SH3RF1: variants seen among roughly 807,000 people sequenced by gnomAD.
SH3RF1 encodes SH3 domain containing ring finger 1, also known as E3 ubiquitin-protein ligase SH3RF1.
SH3RF1 carries 32 observed loss-of-function variants against 74.0 expected under a neutral mutation model. The observed-to-expected ratio is 0.43, with a 90% CI of 0.33 to 0.58. The LOEUF (loss-of-function observed/expected upper bound fraction) is 0.58, where lower values mean the gene tolerates loss of function less well. SH3RF1 is among the 20% of genes least tolerant of loss of function. The pLI is 0.05. For synonymous variants in SH3RF1, 396 were observed against 439.6 expected, an observed-to-expected ratio of 0.90 and a Z score of 1.24; for missense variants, 954 against 1,130.9, an observed-to-expected ratio of 0.84 and a Z score of 2.24.
chr4:169,181,051 T>C (rs986849453), intron 2 of SH3RF1, among the ~76,000 whole-genome samples: 1 of 152,148 alleles, frequency 6.6e-6, no homozygotes, highest in African/African-American at 2.4e-5. Context: ...ATCTGAAATG[T>C]AGCCTAACCC....
At chr4:169,196,438 G>A (rs539138691) in intron 2 of SH3RF1, among the ~76,000 whole-genome samples, 20 of 152,296 alleles carry the variant, frequency 1.3e-4, no homozygotes, top group African/African-American at 3.8e-4. Flanking sequence ...GTTAGGTAAC[G>A]ATGTACTATA....
At chr4:169,253,861 T>C (rs1030354182) in intron 2 of SH3RF1, among the ~76,000 whole-genome samples, 3 of 152,242 alleles carry the variant, frequency 2.0e-5, no homozygotes, top group African/African-American at 7.2e-5. Context: ...GCCTGGGGGA[T>C]AGGAGATAAC....
chr4:169,097,771 G>T (rs1561022686), intron 11 of SH3RF1, among the ~76,000 whole-genome samples: 1 of 152,118 alleles, frequency 6.6e-6, no homozygotes, highest in African/African-American at 2.4e-5. Flanking sequence ...GACCTGTGTG[G>T]CCAATAAAAT....
chr4:169,227,502 T>C (rs1023277877), intron 2 of SH3RF1, among the ~76,000 whole-genome samples: 2 of 152,250 alleles, frequency 1.3e-5, no homozygotes, highest in Non-Finnish European at 2.9e-5. Flanking sequence ...AGTTGGAATT[T>C]ATGCTTTAGA....
chr4:169,159,841 T>C (rs1734123374), intron 2 of SH3RF1, among the ~76,000 whole-genome samples: 1 of 152,152 alleles, frequency 6.6e-6, no homozygotes, highest in Non-Finnish European at 1.5e-5. Flanking sequence ...ATGCAAAGAA[T>C]GTTCCTCCTA....
intron 6 of SH3RF1, among the ~76,000 whole-genome samples, chr4:169,123,891 C>CA (rs11324240): frequency 0.02 from 2,672 of 134,590 alleles, 42 homozygotes; most frequent in African/African-American, 0.046. Context: ...GACTCCGTCT[C>CA]AAAAAAAAAA....
At chr4:169,096,767 C>G in intron 11 of SH3RF1, 80 bp from the exon 12 acceptor site, 2 of 1,283,950 alleles carry the variant, frequency 1.6e-6, no homozygotes, top group Non-Finnish European at 2.2e-6. Context: ...CTGCACGAAC[C>G]TTCAACATAA....
At chr4:169,152,713 C>T (rs182961273) in intron 4 of SH3RF1, among the ~76,000 whole-genome samples, 57 of 152,146 alleles carry the variant, frequency 3.7e-4, no homozygotes, top group Non-Finnish European at 6.3e-4. Context: ...CTCCAGCCTG[C>T]GCAACAAGAG....
intron 6 of SH3RF1, among the ~76,000 whole-genome samples, chr4:169,126,733 A>C (rs1733531272): frequency 6.6e-6 from 1 of 151,780 alleles, no homozygotes; most frequent in Non-Finnish European, 1.5e-5. Flanking sequence ...ACAGGCATGC[A>C]CCACCATGCC....
At chr4:169,269,337 G>A in intron 1 of SH3RF1, 30 bp from the exon 2 acceptor site, 1 of 1,030,574 alleles carries the variant, frequency 9.7e-7, no homozygotes, top group Non-Finnish European at 1.4e-6. Context: ...GGGGAAAAGA[G>A]AACATGAGTG....
In SH3RF1 at chr4:169,094,954, A is replaced by C. The variant is rs866006049; in HGVS notation, c.*1565T>G. On this transcript the variant is annotated 3_prime_UTR_variant, in exon 12 of 12. Coordinates refer to ENST00000284637, the MANE Select transcript of SH3RF1 (RefSeq NM_020870.4). ...TGAAAGGGTTTATTATGTATTTCCC[A>C]TGAGAAAACTGTGGTAAGGATCTTA... 8 of 152,062 alleles carry C rather than the reference A, an allele frequency of 5.3e-5. No homozygotes were observed. Among genetic ancestry groups the C allele is most frequent in the African/African-American group, 1.7e-4 (7 of 41,344 alleles). The allele number at this position is 152,062 out of a possible 1,614,324, so 9.4% of individuals were successfully genotyped here.
intron 2 of SH3RF1, among the ~76,000 whole-genome samples, chr4:169,231,171 G>A (rs1037400047): frequency 6.6e-6 from 1 of 152,130 alleles, no homozygotes; most frequent in Non-Finnish European, 1.5e-5. Flanking sequence ...AATAGTACTG[G>A]TACATAAGCA....
At chr4:169,148,221 G>A (rs1392718505) in intron 4 of SH3RF1, among the ~76,000 whole-genome samples, 1 of 152,228 alleles carries the variant, frequency 6.6e-6, no homozygotes, top group African/African-American at 2.4e-5. Context: ...TGTGCTCTGA[G>A]ACTAGGGCAG....
At chr4:169,131,330 C>T (rs1009741614) in intron 5 of SH3RF1, among the ~76,000 whole-genome samples, 2 of 152,106 alleles carry the variant, frequency 1.3e-5, no homozygotes, top group Non-Finnish European at 2.9e-5. Flanking sequence ...CAGGGGGTGG[C>T]ACTAAAAAGA....
chr4:169,186,948 G>A (rs1561047718), intron 2 of SH3RF1, among the ~76,000 whole-genome samples: 4 of 151,018 alleles, frequency 2.6e-5, no homozygotes, highest in East Asian at 2.0e-4. Flanking sequence ...CAGGAGGCGG[G>A]GCTTGCAGTG....
rs187530891 is a variant in SH3RF1, at chr4:169,130,434, C to T, written c.1069-278G>A. Among the ~76,000 whole-genome samples the T allele has an allele frequency of 1.4e-3, 206 of 152,290 alleles. 2 individuals are homozygous for T. The South Asian group carries it at 0.026, about 19-fold the overall frequency. ...ACTGCCATTGGCTTTCACGGTAACA[C>T]ATTGCCTCATTTGGTACGCCACCAT... is the stretch of plus-strand genomic sequence containing the variant. On this transcript the variant is annotated intron_variant, in intron 5 of 11. Coordinates refer to ENST00000284637, the MANE Select transcript of SH3RF1 (RefSeq NM_020870.4).
At chr4:169,223,422 A>G (rs1226793855) in intron 2 of SH3RF1, among the ~76,000 whole-genome samples, 1 of 152,200 alleles carries the variant, frequency 6.6e-6, no homozygotes, top group Non-Finnish European at 1.5e-5. Context: ...GGTAGGAATT[A>G]GAGATGCAAA....
chr4:169,251,172 G>T (rs183404730), intron 2 of SH3RF1, among the ~76,000 whole-genome samples: 6 of 152,336 alleles, frequency 3.9e-5, no homozygotes, highest in Admixed American at 3.9e-4. Context: ...TGGACAGAAG[G>T]TTAGTTAGGA....
chr4:169,175,916 T>C (rs1308615324), intron 2 of SH3RF1, among the ~76,000 whole-genome samples: 5 of 152,194 alleles, frequency 3.3e-5, no homozygotes, highest in Non-Finnish European at 7.3e-5. Flanking sequence ...TTGGTTAGTA[T>C]GAGAGTGGAA....
Sources: gnomAD v4.1 joint callset for allele counts (sites outside exome capture counted in the v4.1 genomes callset) on GRCh38, gnomAD v4.1.1 for gene constraint, MANE v1.5 for transcripts, NCBI Gene and HGNC (gene_info 2026-07-23, HGNC 2026-07-21) for gene names.